Variants in TTC29 observed in about 807,000 individuals in gnomAD.
TTC29 encodes tetratricopeptide repeat protein 29.
A neutral mutation model predicts 58.1 loss-of-function variants in TTC29; 49 were observed. The observed-to-expected ratio is 0.84, with a 90% CI of 0.67 to 1.07. The LOEUF (loss-of-function observed/expected upper bound fraction) is 1.07, where lower values mean the gene tolerates loss of function less well. TTC29 is among the 50% of genes least tolerant of loss of function. The pLI is 0.00. For synonymous variants in TTC29, 209 were observed against 196.8 expected (o/e 1.06, Z -0.52); for missense variants, 582 against 555.6 (o/e 1.05, Z -0.48).
At chr4:146,829,432 C>T (rs1489697853) in intron 9 of TTC29, among the ~76,000 whole-genome samples, 1 of 152,138 alleles carries the variant, frequency 6.6e-6, no homozygotes, top group East Asian at 1.9e-4. Context: ...ATGAAACAGC[C>T]ACTAAGGGGT....
intron 11 of TTC29, among the ~76,000 whole-genome samples, chr4:146,737,925 G>A (rs989133000): frequency 1.3e-5 from 2 of 152,172 alleles, no homozygotes; most frequent in Admixed American, 6.5e-5. Flanking sequence ...GCCAGAAACT[G>A]TCCCTATGTT....
At chr4:146,857,557 G>A (rs761548747) in intron 8 of TTC29, among the ~76,000 whole-genome samples, 52 of 152,190 alleles carry the variant, frequency 3.4e-4, no homozygotes, top group Non-Finnish European at 1.9e-4. Flanking sequence ...AACTACACAC[G>A]ACCAGGAGGC....
chr4:146,939,354 C>T (rs1024387310), intron 3 of TTC29, among the ~76,000 whole-genome samples: 1 of 152,136 alleles, frequency 6.6e-6, no homozygotes, highest in Non-Finnish European at 1.5e-5. Context: ...ACTCAGGAGG[C>T]TGAGGCACGA....
intron 11 of TTC29, among the ~76,000 whole-genome samples, chr4:146,729,655 T>TA (rs1374770486): frequency 2.0e-5 from 3 of 152,130 alleles, no homozygotes; most frequent in East Asian, 1.9e-4. Context: ...TAATTTATTT[T>TA]AAAAAAAGAT....
intron 6 of TTC29, among the ~76,000 whole-genome samples, chr4:146,880,707 A>G (rs1182390799): frequency 6.6e-6 from 1 of 152,128 alleles, no homozygotes; most frequent in Non-Finnish European, 1.5e-5. Context: ...ATATTAACAC[A>G]AATGGGTTTA....
intron 9 of TTC29, among the ~76,000 whole-genome samples, chr4:146,821,985 GTTTTTT>G (rs34100285): frequency 9.1e-6 from 1 of 109,596 alleles, no homozygotes; most frequent in East Asian, 2.6e-4. Context: ...CATGTCTAGT[GTTTTTT>G]TTTTTTTTTT....
intron 8 of TTC29, among the ~76,000 whole-genome samples, chr4:146,860,020 T>C (rs1259726175): frequency 6.6e-6 from 1 of 152,180 alleles, no homozygotes. Context: ...GACAGAAATG[T>C]GTCTTCACTT....
chr4:146,751,509 C>T (rs1022427434), intron 11 of TTC29, among the ~76,000 whole-genome samples: 13 of 152,092 alleles, frequency 8.5e-5, no homozygotes, highest in Admixed American at 2.6e-4. Flanking sequence ...CATTAGACCA[C>T]AGTGGTATGA....
intron 4 of TTC29, among the ~76,000 whole-genome samples, chr4:146,922,804 A>C (rs1252666547): frequency 6.6e-6 from 1 of 151,870 alleles, no homozygotes; most frequent in Non-Finnish European, 1.5e-5. Context: ...AGAAATATAG[A>C]AGAGGCTTTA....
intron 11 of TTC29, among the ~76,000 whole-genome samples, chr4:146,802,381 G>C (rs1026184187): frequency 1.3e-5 from 2 of 152,192 alleles, no homozygotes; most frequent in African/African-American, 4.8e-5. Context: ...TATTTTGGGG[G>C]TGTTTGAACA....
intron 2 of TTC29, 145 bp from the exon 3 acceptor site, chr4:146,940,046 G>T: frequency 1.4e-6 from 1 of 724,422 alleles, no homozygotes; most frequent in Non-Finnish European, 2.0e-6. Context: ...CGGGAATCAT[G>T]CTCAGTGAGT....
At chr4:146,775,620 T>C (rs1390303837) in intron 11 of TTC29, among the ~76,000 whole-genome samples, 10 of 152,102 alleles carry the variant, frequency 6.6e-5, no homozygotes, top group Non-Finnish European at 1.5e-4. Context: ...CTGAAAGGTC[T>C]GCTGTTAGCC....
At chr4:146,821,436 T>TA (rs1751814746) in intron 9 of TTC29, among the ~76,000 whole-genome samples, 6 of 151,850 alleles carry the variant, frequency 4.0e-5, no homozygotes, top group South Asian at 4.2e-4. Flanking sequence ...AAAGCTGTTT[T>TA]TAAAAAAAAA....
chr4:146,876,888 A>G (rs1731295274), intron 6 of TTC29, among the ~76,000 whole-genome samples: 1 of 148,340 alleles, frequency 6.7e-6, no homozygotes, highest in Admixed American at 7.0e-5. Flanking sequence ...GTGAGCCGAG[A>G]TCATGCCACT....
intron 11 of TTC29, among the ~76,000 whole-genome samples, chr4:146,711,603 A>T (rs1034445771): frequency 6.6e-6 from 1 of 152,154 alleles, no homozygotes; most frequent in Non-Finnish European, 1.5e-5. Flanking sequence ...ATTAAGAATA[A>T]ATACTGCGTA....
chr4:146,757,159 G>A (rs189085106), intron 11 of TTC29, among the ~76,000 whole-genome samples: 1 of 152,088 alleles, frequency 6.6e-6, no homozygotes, highest in African/African-American at 2.4e-5. Context: ...ATTTGAGTAG[G>A]ATCTGTCAGA....
At chr4:146,892,239 C>T (rs1221139859) in intron 6 of TTC29, among the ~76,000 whole-genome samples, 4 of 152,124 alleles carry the variant, frequency 2.6e-5, no homozygotes, top group African/African-American at 4.8e-5. Flanking sequence ...GATGTGCCTG[C>T]TTCCCCTTTA....
At chr4:146,751,159 G>A (rs905200580) in intron 11 of TTC29, among the ~76,000 whole-genome samples, 1 of 152,102 alleles carries the variant, frequency 6.6e-6, no homozygotes, top group Non-Finnish European at 1.5e-5. Context: ...TCATCAAGAG[G>A]ACATAATCAT....
intron 11 of TTC29, among the ~76,000 whole-genome samples, chr4:146,783,265 A>T (rs549790175): frequency 4.9e-4 from 74 of 151,878 alleles, no homozygotes; most frequent in African/African-American, 1.7e-3. Context: ...AACCCCCAAC[A>T]GTACTCACAA....
Sources: gnomAD v4.1 joint callset for allele counts (sites outside exome capture counted in the v4.1 genomes callset) on GRCh38, gnomAD v4.1.1 for gene constraint, MANE v1.5 for transcripts, NCBI Gene and HGNC (gene_info 2026-07-23, HGNC 2026-07-21) for gene names.